FRMD4B: variants seen among roughly 807,000 people sequenced by gnomAD.
The protein encoded by FRMD4B is FERM domain-containing protein 4B.
In FRMD4B, 74 loss-of-function variants were observed where a neutral mutation model predicts 141.5. That is an observed-to-expected ratio of 0.52 (90% CI 0.43 to 0.63). The LOEUF (loss-of-function observed/expected upper bound fraction) is 0.63. FRMD4B is among the 30% of genes least tolerant of loss of function. The pLI, the probability that FRMD4B is intolerant of heterozygous loss-of-function variation, is 0.00. For synonymous variants in FRMD4B, 506 were observed against 467.9 expected (o/e 1.08, Z -1.05); for missense variants, 1,366 against 1,253.4 (o/e 1.09, Z -1.36).
At chr3:69,326,897 C>A (rs1054900530) in intron 1 of FRMD4B, among the ~76,000 whole-genome samples, 2 of 151,962 alleles carry the variant, frequency 1.3e-5, no homozygotes, top group African/African-American at 4.8e-5. Flanking sequence ...AAGAAACAGC[C>A]TCGTTGCTTA....
chr3:69,236,017 T>C (rs1221228447), intron 7 of FRMD4B, among the ~76,000 whole-genome samples: 2 of 152,140 alleles, frequency 1.3e-5, no homozygotes, highest in African/African-American at 4.8e-5. Flanking sequence ...AAAATATGTA[T>C]TGCTTAGGTG....
intron 1 of FRMD4B, among the ~76,000 whole-genome samples, chr3:69,337,026 T>C (rs905717019): frequency 3.3e-5 from 5 of 151,914 alleles, no homozygotes; most frequent in Non-Finnish European, 7.4e-5. Flanking sequence ...ATAAAGAAAA[T>C]GTGGCACCAC....
chr3:69,458,576 T>C (rs1226393072), intron 1 of FRMD4B, among the ~76,000 whole-genome samples: 2 of 152,162 alleles, frequency 1.3e-5, no homozygotes, highest in African/African-American at 4.8e-5. Context: ...TGTTACAGGA[T>C]TTGAAGATTT....
intron 1 of FRMD4B, among the ~76,000 whole-genome samples, chr3:69,446,212 G>T (rs781734646): frequency 5.3e-5 from 8 of 151,172 alleles, no homozygotes; most frequent in Non-Finnish European, 1.0e-4. Flanking sequence ...ATTTTTCGTA[G>T]AGACGAGGTT....
intron 9 of FRMD4B, among the ~76,000 whole-genome samples, chr3:69,221,271 T>C (rs1395334621): frequency 6.6e-6 from 1 of 152,142 alleles, no homozygotes; most frequent in Non-Finnish European, 1.5e-5. Context: ...CTGTTCTTAA[T>C]AATGGGTGGT....
intron 21 of FRMD4B, among the ~76,000 whole-genome samples, 187 bp from the exon 22 acceptor site, chr3:69,176,843 C>A (rs73835749): frequency 6.6e-6 from 1 of 151,916 alleles, no homozygotes; most frequent in African/African-American, 2.4e-5. Flanking sequence ...GTAGTTTATC[C>A]TCTTTAAGCC....
intron 1 of FRMD4B, among the ~76,000 whole-genome samples, chr3:69,328,010 G>A (rs931790788): frequency 6.6e-6 from 1 of 152,070 alleles, no homozygotes; most frequent in Non-Finnish European, 1.5e-5. Context: ...CAGGTCAGGA[G>A]AACATAGAAA....
intron 1 of FRMD4B, among the ~76,000 whole-genome samples, chr3:69,450,769 CAACAACAAAACCCCAACAACAA>C (rs1288894392): frequency 5.9e-5 from 4 of 67,486 alleles, no homozygotes; most frequent in African/African-American, 2.6e-4. Context: ...ACAACAACAA[CAACAACAAAACCCCAACAACAA>C]AACAACAACA....
At chr3:69,317,147 C>T (rs1012820742) in intron 1 of FRMD4B, among the ~76,000 whole-genome samples, 1 of 152,142 alleles carries the variant, frequency 6.6e-6, no homozygotes, top group Non-Finnish European at 1.5e-5. Context: ...AGTCAATATT[C>T]CTTTTAGCAA....
chr3:69,492,338 G>T (rs1202561058), intron 1 of FRMD4B, among the ~76,000 whole-genome samples: 1 of 152,108 alleles, frequency 6.6e-6, no homozygotes, highest in Non-Finnish European at 1.5e-5. Flanking sequence ...AATAATTCCT[G>T]GCAGCCAGTA....
intron 11 of FRMD4B, among the ~76,000 whole-genome samples, chr3:69,204,043 T>C (rs1471662501): frequency 2.0e-5 from 3 of 151,978 alleles, no homozygotes; most frequent in Non-Finnish European, 4.4e-5. Flanking sequence ...ACCCTCTAGG[T>C]AGGAAATTTG....
chr3:69,486,282 T>C (rs1706215078), intron 1 of FRMD4B, among the ~76,000 whole-genome samples: 1 of 152,208 alleles, frequency 6.6e-6, no homozygotes, highest in Admixed American at 6.5e-5. Context: ...CATGAGTAAG[T>C]TCTTTAGTGA....
intron 1 of FRMD4B, among the ~76,000 whole-genome samples, chr3:69,358,629 A>C (rs1250325583): frequency 6.6e-6 from 1 of 152,138 alleles, no homozygotes; most frequent in African/African-American, 2.4e-5. Context: ...CCAGATACTC[A>C]GGAGGCTGAG....
chr3:69,322,753 C>T (rs1702053320), intron 1 of FRMD4B, among the ~76,000 whole-genome samples: 1 of 152,126 alleles, frequency 6.6e-6, no homozygotes, highest in Non-Finnish European at 1.5e-5. Flanking sequence ...TGTGCCACCA[C>T]ACCTGGCTAA....
intron 2 of FRMD4B, among the ~76,000 whole-genome samples, chr3:69,431,908 G>A (rs577217187): frequency 2.0e-4 from 31 of 152,278 alleles, no homozygotes; most frequent in African/African-American, 6.0e-4. Context: ...CCTTCAAACC[G>A]TTTTTGCCTG....
chr3:69,441,591 A>ATAC (rs1432669451), intron 1 of FRMD4B, among the ~76,000 whole-genome samples: 1 of 152,164 alleles, frequency 6.6e-6, no homozygotes, highest in Non-Finnish European at 1.5e-5. Context: ...TCCCCACGAT[A>ATAC]TACTATAAGC....
intron 4 of FRMD4B, among the ~76,000 whole-genome samples, chr3:69,291,209 G>C (rs937675291): frequency 2.6e-5 from 4 of 152,092 alleles, no homozygotes; most frequent in African/African-American, 9.7e-5. Flanking sequence ...CTCAACATCT[G>C]CCTTCTACTT....
Position 69,475,833 on chromosome 3 carries a change from C to G in FRMD4B, c.-128-43072G>C, listed in dbSNP as rs1335069277. On this transcript the variant is annotated intron_variant, in intron 1 of 5. Transcript: ENST00000459638. ...TTACATTCCCACCAACAGTGTAAAA[C>G]TGTTCCTATTTCTCCACATCCTCTC... Among the ~76,000 whole-genome samples, 29 of 151,804 alleles carry G rather than the reference C, an allele frequency of 1.9e-4. No individual in the cohort carries two copies. The South Asian group carries it at 4.4e-3, about 23-fold the overall frequency.
chr3:69,329,945 A>T (rs1277273790), intron 1 of FRMD4B, among the ~76,000 whole-genome samples: 1 of 152,144 alleles, frequency 6.6e-6, no homozygotes, highest in Non-Finnish European at 1.5e-5. Flanking sequence ...AAATAAATTT[A>T]TTATTATACT....
Sources: gnomAD v4.1 joint callset for allele counts (sites outside exome capture counted in the v4.1 genomes callset) on GRCh38, gnomAD v4.1.1 for gene constraint, MANE v1.5 for transcripts, NCBI Gene and HGNC (gene_info 2026-07-23, HGNC 2026-07-21) for gene names.